Variants in ST3GAL3 observed in about 807,000 individuals in gnomAD.
ST3GAL3 encodes ST3 beta-galactoside alpha-2,3-sialyltransferase 3, also known as CMP-N-acetylneuraminate-beta-1,4-galactoside alpha-2,3-sialyltransferase.
ST3GAL3 carries 21 observed loss-of-function variants against 50.1 expected under a neutral mutation model. That is an observed-to-expected ratio of 0.42 (90% CI 0.30 to 0.60). The LOEUF is 0.60. Among genes scored for constraint, ST3GAL3 ranks in the 20% least tolerant of loss-of-function variants. The probability of loss-of-function intolerance (pLI) is 0.19; values close to 1 mark genes in which losing one functional copy is unlikely to be tolerated. For missense variants in ST3GAL3, 353 were observed against 489.4 expected (o/e 0.72, Z 2.63); for synonymous variants, 183 against 190.0 (o/e 0.96, Z 0.30).
intron 4 of ST3GAL3, among the ~76,000 whole-genome samples, chr1:43,816,675 C>T (rs1440042836): frequency 3.9e-5 from 6 of 152,128 alleles, no homozygotes; most frequent in South Asian, 2.1e-4. Flanking sequence ...ATGAGGAGGA[C>T]GCTCATCTCC....
At chr1:43,863,967 G>A (rs542566924) in intron 5 of ST3GAL3, among the ~76,000 whole-genome samples, 1 of 128,788 alleles carries the variant, frequency 7.8e-6, no homozygotes, top group Non-Finnish European at 1.7e-5. Flanking sequence ...GAGGTCTAGG[G>A]GAGAGTGACA....
At chr1:43,738,698 A>G (rs576703336) in intron 2 of ST3GAL3, 1 of 152,130 alleles carries the variant, frequency 6.6e-6, no homozygotes, top group Admixed American at 6.6e-5. Context: ...GGGTTTAGTC[A>G]TGTTGCCCAG....
chr1:43,916,172 T>A (rs753959207), intron 9 of ST3GAL3, among the ~76,000 whole-genome samples: 14 of 152,316 alleles, frequency 9.2e-5, no homozygotes, highest in Middle Eastern at 6.8e-3. Flanking sequence ...AATTGTACAA[T>A]TATGTATTGT....
chr1:43,758,461 C>T (rs1389337486), intron 2 of ST3GAL3, among the ~76,000 whole-genome samples: 1 of 152,020 alleles, frequency 6.6e-6, no homozygotes, highest in Non-Finnish European at 1.5e-5. Context: ...CTATATTGCC[C>T]AGGCTGGTCT....
chr1:43,926,233 G>A (rs2083892671), intron 11 of ST3GAL3, among the ~76,000 whole-genome samples: 1 of 152,190 alleles, frequency 6.6e-6, no homozygotes, highest in Non-Finnish European at 1.5e-5. Context: ...AGTGAGAAGC[G>A]CGGCTCATCC....
intron 1 of ST3GAL3, among the ~76,000 whole-genome samples, chr1:43,708,292 C>A (rs761384886): frequency 3.3e-5 from 5 of 152,198 alleles, no homozygotes; most frequent in African/African-American, 4.8e-5. Context: ...TTCCTTTTTA[C>A]AACAATGTCC....
At chr1:43,812,704 A>G (rs983612850) in intron 3 of ST3GAL3, among the ~76,000 whole-genome samples, 1 of 151,874 alleles carries the variant, frequency 6.6e-6, no homozygotes, top group Non-Finnish European at 1.5e-5. Context: ...AGCTCAAACA[A>G]CTCTCCCAGC....
At chr1:43,779,982 T>C (rs1698831016) in intron 2 of ST3GAL3, among the ~76,000 whole-genome samples, 1 of 152,176 alleles carries the variant, frequency 6.6e-6, no homozygotes, top group African/African-American at 2.4e-5. Context: ...GATGGTTTGC[T>C]CTCTGTGTAG....
intron 3 of ST3GAL3, among the ~76,000 whole-genome samples, chr1:43,809,362 A>G (rs2060269386): frequency 6.6e-6 from 1 of 152,210 alleles, no homozygotes; most frequent in Non-Finnish European, 1.5e-5. Context: ...TGTAGAAGAA[A>G]AAAATAGTGA....
At chr1:43,894,253 T>C in intron 5 of ST3GAL3, 130 bp from the exon 6 acceptor site, 1 of 872,064 alleles carries the variant, frequency 1.1e-6, no homozygotes, top group Non-Finnish European at 1.9e-6. Flanking sequence ...ACAGGCTGGG[T>C]GGAGGGGGGT....
chr1:43,853,949 C>T (rs2067845648), intron 5 of ST3GAL3, among the ~76,000 whole-genome samples: 1 of 152,144 alleles, frequency 6.6e-6, no homozygotes, highest in Non-Finnish European at 1.5e-5. Context: ...AGCTTGTGGG[C>T]TCCTGGCCAG....
At chr1:43,909,645 G>A (rs2080446729) in intron 9 of ST3GAL3, among the ~76,000 whole-genome samples, 1 of 152,206 alleles carries the variant, frequency 6.6e-6, no homozygotes, top group African/African-American at 2.4e-5. Context: ...AATCCCTGGA[G>A]GGAAAGAACT....
intron 2 of ST3GAL3, chr1:43,772,319 A>C: frequency 3.3e-6 from 1 of 306,500 alleles, no homozygotes; most frequent in Non-Finnish European, 5.9e-6. Flanking sequence ...AAGTGCTGGG[A>C]TTACAGGCAT....
At chr1:43,831,585 A>G (rs1439817267) in intron 4 of ST3GAL3, 3 of 152,258 alleles carry the variant, frequency 2.0e-5, no homozygotes, top group African/African-American at 7.2e-5. Context: ...CTGTATTATT[A>G]GTACTCAATG....
chr1:43,744,847 T>A (rs1682898265), intron 2 of ST3GAL3, among the ~76,000 whole-genome samples: 1 of 151,354 alleles, frequency 6.6e-6, no homozygotes, highest in Admixed American at 6.6e-5. Flanking sequence ...AAAAATTAGC[T>A]TGGCGTGATG....
At chr1:43,787,408 C>G (rs965332180) in intron 2 of ST3GAL3, among the ~76,000 whole-genome samples, 2 of 152,214 alleles carry the variant, frequency 1.3e-5, no homozygotes, top group Non-Finnish European at 2.9e-5. Context: ...AATAATCTTA[C>G]GTCCTTTAGA....
At chr1:43,774,832 T>C (rs901078378) in intron 2 of ST3GAL3, among the ~76,000 whole-genome samples, 1 of 152,118 alleles carries the variant, frequency 6.6e-6, no homozygotes, top group Non-Finnish European at 1.5e-5. Context: ...CTGTGCCAAG[T>C]GAAAGGGATT....
At chr1:43,872,886 G>T (rs2073295504) in intron 5 of ST3GAL3, among the ~76,000 whole-genome samples, 1 of 152,168 alleles carries the variant, frequency 6.6e-6, no homozygotes, top group African/African-American at 2.4e-5. Flanking sequence ...AAAACCTAAA[G>T]GAAATCAGGG....
chr1:43,745,351 G>A (rs1683172561), intron 2 of ST3GAL3, among the ~76,000 whole-genome samples: 1 of 152,180 alleles, frequency 6.6e-6, no homozygotes, highest in Non-Finnish European at 1.5e-5. Context: ...AAGTAAGTGG[G>A]AAACAAGAAT....
Sources: gnomAD v4.1 joint callset for allele counts (sites outside exome capture counted in the v4.1 genomes callset) on GRCh38, gnomAD v4.1.1 for gene constraint, MANE v1.5 for transcripts, NCBI Gene and HGNC (gene_info 2026-07-23, HGNC 2026-07-21) for gene names.